The following LAMC1 variants were observed in gnomAD, a reference collection of about 807,000 sequenced individuals.
LAMC1 encodes laminin subunit gamma 1.
LAMC1 carries 38 observed loss-of-function variants against 173.6 expected under a neutral mutation model. The ratio of observed to expected loss-of-function variants is 0.22; its 90% CI spans 0.17 to 0.29. The LOEUF is 0.29. Among genes scored for constraint, LAMC1 ranks in the 10% least tolerant of loss-of-function variants. The pLI is 1.00. For synonymous variants in LAMC1, 746 were observed against 749.1 expected, an observed-to-expected ratio of 1.00 and a Z score of 0.07; for missense variants, 1,824 against 2,051.8, an observed-to-expected ratio of 0.89 and a Z score of 2.14.
At chr1:183,131,472 C>G (rs1656790695) in intron 20 of LAMC1, 94 bp downstream of exon 20, 4 of 434,966 alleles carry the variant, frequency 9.2e-6, no homozygotes, top group Non-Finnish European at 1.4e-5. Context: ...TTGTCTTATC[C>G]CATAACCCAT....
At chr1:183,087,760 T>A (rs1655467731) in intron 1 of LAMC1, among the ~76,000 whole-genome samples, 1 of 152,134 alleles carries the variant, frequency 6.6e-6, no homozygotes, top group South Asian at 2.1e-4. Context: ...TGTTGATTAA[T>A]GAAATTTTTG....
intron 5 of LAMC1, among the ~76,000 whole-genome samples, chr1:183,115,129 C>G (rs1006706683): frequency 2.6e-5 from 4 of 152,156 alleles, no homozygotes; most frequent in Non-Finnish European, 1.5e-5. Flanking sequence ...CTTAGTCTAG[C>G]CCATTCTTCA....
At chr1:183,120,229 TTTAAGAAG>T (rs956715332) in intron 11 of LAMC1, among the ~76,000 whole-genome samples, 6 of 149,026 alleles carry the variant, frequency 4.0e-5, no homozygotes, top group African/African-American at 1.5e-4. Context: ...ATCACAGTGC[TTTAAGAAG>T]TAATTTGAAG....
At chr1:183,074,895 G>A (rs2102043807) in intron 1 of LAMC1, among the ~76,000 whole-genome samples, 1 of 152,028 alleles carries the variant, frequency 6.6e-6, no homozygotes, top group East Asian at 1.9e-4. Flanking sequence ...TATCTACCTT[G>A]GGTATATATA....
intron 1 of LAMC1, among the ~76,000 whole-genome samples, chr1:183,102,590 G>A (rs753094698): frequency 5.9e-5 from 9 of 152,202 alleles, no homozygotes; most frequent in Non-Finnish European, 8.8e-5. Flanking sequence ...GGCTTTTGCA[G>A]GGAACTGTCT....
Position 183,143,924 on chromosome 1 carries a change from T to G in LAMC1, c.*1134T>G, listed in dbSNP as rs1280860289. 1.3e-5 allele frequency: 2 copies of G among 152,214 alleles called. No homozygotes were observed. Among genetic ancestry groups the G allele is most frequent in the Non-Finnish European group, 2.9e-5 (2 of 68,036 alleles). 9.4% of individuals were successfully genotyped at this position (152,214 alleles called of 1,614,324 possible). A position where few individuals can be genotyped will look rare whatever the true frequency, so the allele number is the denominator to read the frequency against. ...CCAGAATCCCTCAAAAAACATTGTT[T>G]GCCAAATCCTGGTGGCAAATACTTG... On this transcript the variant is annotated 3_prime_UTR_variant, in exon 28 of 28. Coordinates refer to ENST00000258341, the MANE Select transcript of LAMC1 (RefSeq NM_002293.4).
rs1335137616 is a variant in LAMC1 at position 183,145,497 on chromosome 1, C to T, written c.*2707C>T. On this transcript the variant is annotated 3_prime_UTR_variant, in exon 28 of 28. Coordinates refer to ENST00000258341, the MANE Select transcript of LAMC1 (RefSeq NM_002293.4). ...GCCTTAATCTCTACAGCCTTGCTCT[C>T]CGGGGTGGTTAATAAAATGCAACAC... 1 of 152,386 alleles carries T rather than the reference C, an allele frequency of 6.6e-6. No individual in the cohort carries two copies. Among genetic ancestry groups the T allele is most frequent in the East Asian group, 1.9e-4 (1 of 5,194 alleles). 9.4% of individuals were successfully genotyped at this position (152,386 alleles called of 1,614,324 possible).
chr1:183,123,089 T>C (rs992189888), intron 13 of LAMC1, among the ~76,000 whole-genome samples: 14 of 152,356 alleles, frequency 9.2e-5, no homozygotes, highest in Middle Eastern at 3.4e-3. Flanking sequence ...CCTCCCTTTT[T>C]CTTCGACCCT....
chr1:183,095,400 A>T (rs559561831), intron 1 of LAMC1, among the ~76,000 whole-genome samples: 5 of 152,356 alleles, frequency 3.3e-5, no homozygotes, highest in Admixed American at 6.5e-5. Context: ...AGCTTTCAAT[A>T]GTATATGAAT....
intron 1 of LAMC1, among the ~76,000 whole-genome samples, chr1:183,052,842 A>C (rs1654468178): frequency 6.6e-6 from 1 of 152,184 alleles, no homozygotes; most frequent in Admixed American, 6.5e-5. Flanking sequence ...ATTTGGGTTA[A>C]ATAAAACCCT....
chr1:183,097,239 TC>T (rs1655717234), intron 1 of LAMC1, among the ~76,000 whole-genome samples: 1 of 152,280 alleles, frequency 6.6e-6, no homozygotes, highest in Admixed American at 6.5e-5. Context: ...TGTTTGGAGA[TC>T]CCATTTAGTA....
rs373808358 is a variant in LAMC1 at position 183,118,126 on chromosome 1, G to A, written c.1970G>A (p.Arg657His). ...AACAACTTGACCTCTATCAAGATAC[G>A]TGGGACATACAGTGAGAGAAGTAAG... ...LLNNLTSIKI[R>H]GTYSERSAGY... Residue 657 changes from arginine to histidine, a missense_variant, in exon 11 of 28, where the codon CGT becomes CAT. Arg to His is a conservative substitution (Grantham distance 29, BLOSUM62 0). Coordinates refer to ENST00000258341, the MANE Select transcript of LAMC1 (RefSeq NM_002293.4). The A allele has an allele frequency of 1.9e-5, 30 of 1,594,906 alleles. No homozygotes were observed. Among genetic ancestry groups the A allele is most frequent in the Non-Finnish European group, 2.2e-5 (26 of 1,162,832 alleles).
chr1:183,121,624 C>G, intron 11 of LAMC1, 99 bp from the exon 12 acceptor site: 1 of 994,964 alleles, frequency 1.0e-6, no homozygotes, highest in Non-Finnish European at 1.5e-6. Flanking sequence ...CTAATTTTCT[C>G]TGGAATTTGG....
chr1:183,136,353 T>C, intron 24 of LAMC1, 33 bp from the exon 25 acceptor site: 1 of 1,598,732 alleles, frequency 6.3e-7, no homozygotes, highest in South Asian at 1.1e-5. Context: ...TTGTTGGGAG[T>C]TTAGCTCAAA....
At chr1:183,068,432 A>G (rs1157164052) in intron 1 of LAMC1, among the ~76,000 whole-genome samples, 3 of 152,222 alleles carry the variant, frequency 2.0e-5, no homozygotes, top group African/African-American at 4.8e-5. Context: ...AAACCAAACC[A>G]GAAAGGTTTA....
At chr1:183,063,557 A>G (rs1654792099) in intron 1 of LAMC1, among the ~76,000 whole-genome samples, 1 of 152,168 alleles carries the variant, frequency 6.6e-6, no homozygotes, top group Admixed American at 6.5e-5. Context: ...GACCACTAGA[A>G]CATGTGTCAG....
intron 16 of LAMC1, 37 bp downstream of exon 16, chr1:183,126,299 A>C (rs749595177): frequency 6.2e-7 from 1 of 1,601,770 alleles, no homozygotes; most frequent in East Asian, 2.2e-5. Flanking sequence ...CTAAGCTTCC[A>C]CTAATTCCAG....
chr1:183,131,089 A>C (rs1300185060), intron 19 of LAMC1, among the ~76,000 whole-genome samples: 2 of 149,786 alleles, frequency 1.3e-5, no homozygotes, highest in Non-Finnish European at 3.0e-5. Flanking sequence ...CAGGAGAACC[A>C]CTTGAACCCA....
chr1:183,127,252 C>G lies in LAMC1; in HGVS notation c.2971C>G (p.Leu991Val). Reference protein sequence around the residue: ...KPCDCHPEGSLSLQCKDDGRC... With the variant: ...KPCDCHPEGSVSLQCKDDGRC... The stretch of plus-strand genomic sequence containing the variant: ...CTGTGACTGTCATCCTGAGGGATCT[C>G]TTTCACTTCAGTGCAAAGATGATGG... The change falls in exon 17 of 28, where the codon CTT becomes GTT. Residue 991 changes from leucine to valine, a missense_variant. By Grantham distance (32) the Leu-to-Val change is conservative. Coordinates refer to ENST00000258341, the MANE Select transcript of LAMC1 (RefSeq NM_002293.4). 3 of 1,614,066 alleles carry G rather than the reference C, an allele frequency of 1.9e-6. No homozygotes were observed. Among genetic ancestry groups the G allele is most frequent in the Non-Finnish European group, 1.7e-6 (2 of 1,180,008 alleles).
Sources: allele counts gnomAD v4.1 joint callset (sites outside exome capture counted in the v4.1 genomes callset), GRCh38; gene constraint gnomAD v4.1.1; transcripts MANE v1.5; gene names NCBI Gene and HGNC (gene_info 2026-07-23, HGNC 2026-07-21).